The following BLMH variants were observed in gnomAD, a reference collection of about 807,000 sequenced individuals.
The protein encoded by BLMH is BLM hydrolase.
BLMH carries 32 observed loss-of-function variants against 61.6 expected under a neutral mutation model. That is an observed-to-expected ratio of 0.52 (90% CI 0.39 to 0.70). BLMH has a LOEUF of 0.70. Among genes scored for constraint, BLMH ranks in the 30% least tolerant of loss-of-function variants. The pLI, the probability that BLMH is intolerant of heterozygous loss-of-function variation, is 0.00. For synonymous variants in BLMH, 183 were observed against 193.8 expected, an observed-to-expected ratio of 0.94 and a Z score of 0.46; for missense variants, 460 against 555.5, an observed-to-expected ratio of 0.83 and a Z score of 1.73.
At chr17:30,291,232 G>C in intron 2 of BLMH, 79 bp downstream of exon 2, 1 of 1,518,288 alleles carries the variant, frequency 6.6e-7, no homozygotes, top group Non-Finnish European at 9.0e-7. Context: ...ACGAATTTAA[G>C]ACCACTCTTA....
chr17:30,291,477 T>TA lies in BLMH; in HGVS notation c.44dup (p.Gln16ThrfsTer78). Reference sequence around the variant, plus strand: ...ACTGGGGGTCGGAATTCAGTTTCTGTATCAGAGCAGCTACCTTCTCCGAAT... The same window carrying TA: ...ACTGGGGGTCGGAATTCAGTTTCTGTAATCAGAGCAGCTACCTTCTCCGAAT... On this transcript the variant is annotated frameshift_variant, in exon 2 of 12. Transcript: ENST00000261714. LOFTEE classifies it high-confidence loss of function. The TA allele has an allele frequency of 6.2e-7, 1 of 1,614,184 alleles. No individual in the cohort carries two copies. Among genetic ancestry groups the TA allele is most frequent in the Non-Finnish European group, 8.5e-7 (1 of 1,180,008 alleles).
Position 30,287,954 on chromosome 17 carries a change from A to C in BLMH, c.322-7T>G, listed in dbSNP as rs1422544214. On this transcript the variant is annotated splice_polypyrimidine_tract_variant and splice_region_variant and intron_variant, in intron 3 of 11. Coordinates refer to ENST00000261714, the MANE Select transcript of BLMH (RefSeq NM_000386.4). The stretch of plus-strand genomic sequence containing the variant: ...AGAAATAACAGCGTTCAACCTAAAG[A>C]GTAAAGAAAGTTAAATAACATTAAA... 1 of 1,603,812 alleles carries C rather than the reference A, an allele frequency of 6.2e-7. No individual in the cohort carries two copies. Among genetic ancestry groups the C allele is most frequent in the Non-Finnish European group, 8.5e-7 (1 of 1,176,134 alleles).
chr17:30,250,625 T>G (rs1907644803), intron 11 of BLMH, among the ~76,000 whole-genome samples: 1 of 152,212 alleles, frequency 6.6e-6, no homozygotes, highest in Non-Finnish European at 1.5e-5. Flanking sequence ...GGAACACTTT[T>G]ACAATGCTGG....
Position 30,291,500 on chromosome 17 carries a change from A to T in BLMH, c.22T>A (p.Ser8Thr), listed in dbSNP as rs1456932329. ...TGTATCAGAGCAGCTACCTTCTCCG[A>T]ATTCAGTCCTGTTGGGAGACCAAAC... is the stretch of plus-strand genomic sequence containing the variant. MSSSGLN[S>T]EKVAALIQKL... The change falls in exon 2 of 12, where the codon TCG becomes ACG. Residue 8 changes from serine (S) to threonine (T), a missense_variant. Ser to Thr is a moderately conservative substitution (Grantham distance 58). Transcript: ENST00000261714. The T allele has an allele frequency of 6.2e-7, 1 of 1,613,998 alleles. No individual in the cohort carries two copies.
intron 6 of BLMH, among the ~76,000 whole-genome samples, chr17:30,275,049 A>G (rs1908381278): frequency 1.3e-5 from 2 of 151,156 alleles, no homozygotes; most frequent in Non-Finnish European, 2.9e-5. Flanking sequence ...TAAAAAAAAA[A>G]AAAAAAAAAG....
At position 30,288,875 on chromosome 17, in the gene BLMH, G is replaced by C. The variant is rs142130041; in HGVS notation, c.321+498C>G. 5.4e-3 allele frequency among the ~76,000 whole-genome samples: 822 copies of C among 152,258 alleles called. 11 individuals carry two copies. The highest frequency in any genetic ancestry group is 0.018 in the African/African-American group (757 of 41,542). On this transcript the variant is annotated intron_variant, in intron 3 of 11. Coordinates refer to ENST00000261714, the MANE Select transcript of BLMH (RefSeq NM_000386.4). ...CCAGCTACTTGGGAGGCTGAGTTGA[G>C]AGGATGGCTTGAACCCAGGAGGCAG...
intron 10 of BLMH, 71 bp from the exon 11 acceptor site, chr17:30,267,025 GC>G (rs991126803): frequency 6.8e-7 from 1 of 1,460,194 alleles, no homozygotes; most frequent in African/African-American, 1.4e-5. Context: ...TATAATTTTA[GC>G]TCTTCTGTAG....
intron 2 of BLMH, among the ~76,000 whole-genome samples, 196 bp from the exon 3 acceptor site, chr17:30,289,678 C>A (rs1021636801): frequency 3.3e-5 from 5 of 152,154 alleles, no homozygotes; most frequent in African/African-American, 7.2e-5. Flanking sequence ...GGTTTAATAT[C>A]TTTAACACAA....
intron 6 of BLMH, among the ~76,000 whole-genome samples, chr17:30,281,098 T>TG (rs1388214791): frequency 6.6e-6 from 1 of 151,052 alleles, no homozygotes; most frequent in African/African-American, 2.4e-5. Flanking sequence ...TGTTGTTTTT[T>TG]TTTTTTTTTT....
rs1158510700 is a variant in BLMH at position 30,274,187 on chromosome 17, A to G, written c.656T>C (p.Val219Ala). Residue 219 changes from valine (V) to alanine (A), a missense_variant, in exon 7 of 12, where the codon GTG becomes GCG. Physicochemically the swap from Val to Ala is moderately conservative, Grantham distance 64. Around this residue, in one of 5 missense-constraint regions of BLMH, gnomAD observed 310 missense variants for 371.1 expected, o/e 0.84. Coordinates refer to ENST00000261714, the MANE Select transcript of BLMH (RefSeq NM_000386.4). ...TGGATTACCCAAACAGATGCACACC[A>G]CTCGGAATATCTGGAAGAGAGGAGG... ...QDVMMEEIFR[V>A]VCICLGNPPE... is the part of the protein sequence containing the mutation. The G allele has an allele frequency of 6.2e-7, 1 of 1,613,636 alleles. No homozygotes were observed. The highest frequency in any genetic ancestry group is 1.3e-5 in the African/African-American group (1 of 74,872).
At chr17:30,285,670 GA>G in intron 5 of BLMH, 190 bp from the exon 6 acceptor site, 1 of 443,330 alleles carries the variant, frequency 2.3e-6, no homozygotes, top group Admixed American at 4.3e-5. Flanking sequence ...TCCATAAGGA[GA>G]AAAGGCATAA....
At position 30,249,148 on chromosome 17, in the gene BLMH, C is replaced by G. The variant is rs370004689; in HGVS notation, c.1237G>C (p.Glu413Gln). The G allele has an allele frequency of 1.9e-6, 3 of 1,613,998 alleles. No homozygotes were observed. Among genetic ancestry groups the G allele is most frequent in the Non-Finnish European group, 2.5e-6 (3 of 1,179,976 alleles). ...GHKGYLCMTD[E>Q]WFSEYVYEVV... ...TCGTAGACATACTCAGAGAACCACTCATCTGTCATGCACAGGTAACCTGGA... is the reference window on the plus strand; with the variant it reads ...TCGTAGACATACTCAGAGAACCACTGATCTGTCATGCACAGGTAACCTGGA... Residue 413 changes from glutamate (E) to glutamine (Q), a missense_variant, in exon 12 of 12, where the codon GAG becomes CAG. Around this residue, in one of 5 missense-constraint regions of BLMH, gnomAD observed 310 missense variants for 371.1 expected, o/e 0.84. Transcript: ENST00000261714.
chr17:30,249,561 T>G (rs1196486425), intron 11 of BLMH: 1 of 164,142 alleles, frequency 6.1e-6, no homozygotes, highest in Non-Finnish European at 1.3e-5. Flanking sequence ...CAGCCACACC[T>G]AGGGCATAAA....
intron 5 of BLMH, among the ~76,000 whole-genome samples, chr17:30,285,947 T>C (rs1384496490): frequency 6.6e-6 from 1 of 151,580 alleles, no homozygotes; most frequent in Non-Finnish European, 1.5e-5. Context: ...TTTCATTTCA[T>C]TTTTTCACCA....
rs752187298 is a variant in BLMH, at chr17:30,291,343, T to C, written c.179A>G (p.Glu60Gly). The change falls in exon 2 of 12, where the codon GAG becomes GGG. Residue 60 changes from glutamate to glycine, a missense_variant. Glu to Gly is a moderately conservative substitution (Grantham distance 98, BLOSUM62 -2). Around this residue, in one of 5 missense-constraint regions of BLMH, gnomAD observed 86 missense variants for 84.5 expected, o/e 1.02. Transcript: ENST00000261714. ...QHVFQHAVPQEGKPITNQKSS... is the reference protein window; with the variant it reads ...QHVFQHAVPQGGKPITNQKSS... ...CTTCTGGTTGGTGATTGGCTTGCCCTCCTGGGGCACGGCGTGCTGGAACAC... is the reference window on the plus strand; with the variant it reads ...CTTCTGGTTGGTGATTGGCTTGCCCCCCTGGGGCACGGCGTGCTGGAACAC... The C allele has an allele frequency of 1.4e-5, 23 of 1,612,508 alleles. No individual in the cohort carries two copies. Among genetic ancestry groups the C allele is most frequent in the Non-Finnish European group, 1.9e-5 (23 of 1,179,982 alleles).
chr17:30,291,867 G>A lies in BLMH; in HGVS notation c.-48C>T. 7.8e-7 allele frequency: 1 copy of A among 1,288,902 alleles called. No individual in the cohort carries two copies. Among genetic ancestry groups the A allele is most frequent in the Non-Finnish European group, 9.8e-7 (1 of 1,022,426 alleles). 79.8% of individuals were successfully genotyped at this position (1,288,902 alleles called of 1,614,324 possible). A position where few individuals can be genotyped will look rare whatever the true frequency, so the allele number is the denominator to read the frequency against. Reference sequence around the variant, plus strand: ...GTAACGGTAGCTTCCAGGGTCCTTGGGCGAGCGCCGGGATTGCGCTGCGGC... The same window carrying A: ...GTAACGGTAGCTTCCAGGGTCCTTGAGCGAGCGCCGGGATTGCGCTGCGGC... On this transcript the variant is annotated 5_prime_UTR_variant, in exon 1 of 12. Coordinates refer to ENST00000261714, the MANE Select transcript of BLMH (RefSeq NM_000386.4).
At position 30,285,340 on chromosome 17, in the gene BLMH, TGA is replaced by T. The variant is rs751783856; in HGVS notation, c.645+46_645+47del. The T allele has an allele frequency of 2.4e-5, 32 of 1,312,712 alleles. No individual in the cohort carries two copies. In the African/African-American group the frequency reaches 4.0e-4, roughly 16 times the overall value. 81.3% of individuals were successfully genotyped at this position (1,312,712 alleles called of 1,614,324 possible). A position where few individuals can be genotyped will look rare whatever the true frequency, so the allele number is the denominator to read the frequency against. On this transcript the variant is annotated intron_variant, in intron 6 of 11. Coordinates refer to ENST00000261714, the MANE Select transcript of BLMH (RefSeq NM_000386.4). ...ATTACTTTAACAGATGGGAATATTC[TGA>T]GAGTTCCTTAGAGGGGTCACAAAAA...
chr17:30,286,703 T>C (rs1454747620), intron 5 of BLMH, 111 bp downstream of exon 5: 1 of 676,212 alleles, frequency 1.5e-6, no homozygotes, highest in East Asian at 3.0e-5. Context: ...TTGACATTGG[T>C]AGTTATCTTG....
intron 11 of BLMH, among the ~76,000 whole-genome samples, chr17:30,262,857 G>C (rs1907999904): frequency 6.6e-6 from 1 of 152,072 alleles, no homozygotes; most frequent in African/African-American, 2.4e-5. Context: ...AAGCAGCATG[G>C]ACAAAATTCA....
Sources: gnomAD v4.1 joint callset for allele counts (sites outside exome capture counted in the v4.1 genomes callset) on GRCh38, gnomAD v4.1.1 for gene constraint, gnomAD v4.1.1 regional missense constraint, MANE v1.5 for transcripts, NCBI Gene and HGNC (gene_info 2026-07-23, HGNC 2026-07-21) for gene names.